The following PRSS23 variants were observed in gnomAD, a reference collection of about 807,000 sequenced individuals.
PRSS23 encodes the protein protease, serine 23.
In PRSS23, 25 loss-of-function variants were observed where a neutral mutation model predicts 34.7. The observed-to-expected ratio is 0.72, with a 90% CI of 0.53 to 1.01. PRSS23 has a LOEUF of 1.01. Among genes scored for constraint, PRSS23 ranks in the 50% least tolerant of loss-of-function variants. The probability of loss-of-function intolerance (pLI) is 0.00; values close to 1 mark genes in which losing one functional copy is unlikely to be tolerated. For missense variants in PRSS23, 445 were observed against 475.6 expected (o/e 0.94, Z 0.60); for synonymous variants, 176 against 186.6 (o/e 0.94, Z 0.46).
At chr11:86,844,829 C>T (rs1376417159) in intron 2 of PRSS23, among the ~76,000 whole-genome samples, 1 of 152,176 alleles carries the variant, frequency 6.6e-6, no homozygotes, top group African/African-American at 2.4e-5. Flanking sequence ...GCGGCTCATG[C>T]CTGTAATCCC....
chr11:86,945,383 T>C (rs1019560691), intron 2 of PRSS23, among the ~76,000 whole-genome samples: 1 of 142,298 alleles, frequency 7.0e-6, no homozygotes, highest in African/African-American at 2.6e-5. Flanking sequence ...AAAAAAGAGG[T>C]GTCATTGGGA....
At chr11:86,942,707 A>G (rs1253365533) in intron 2 of PRSS23, among the ~76,000 whole-genome samples, 2 of 152,118 alleles carry the variant, frequency 1.3e-5, no homozygotes, top group Non-Finnish European at 2.9e-5. Flanking sequence ...CTCTTAGCCT[A>G]AAGATGAAAT....
chr11:86,856,606 G>C (rs11234832), intron 2 of PRSS23, among the ~76,000 whole-genome samples: 54,459 of 151,750 alleles, frequency 0.36, 9,859 homozygotes, highest in East Asian at 0.46. Context: ...GAAACTGCAC[G>C]TTTAAGAAAA....
intron 2 of PRSS23, among the ~76,000 whole-genome samples, chr11:86,849,138 C>A (rs2134915850): frequency 6.6e-6 from 1 of 152,278 alleles, no homozygotes; most frequent in Non-Finnish European, 1.5e-5. Flanking sequence ...CCATTGAGGG[C>A]CAGGAAGTAC....
intron 2 of PRSS23, among the ~76,000 whole-genome samples, chr11:86,898,928 G>C (rs1034733265): frequency 1.3e-5 from 2 of 152,154 alleles, no homozygotes; most frequent in Admixed American, 1.3e-4. Context: ...ACTAGGTAGT[G>C]ATCAGAAACC....
intron 2 of PRSS23, among the ~76,000 whole-genome samples, chr11:86,841,940 G>T (rs952169734): frequency 2.0e-5 from 3 of 152,154 alleles, no homozygotes; most frequent in African/African-American, 7.2e-5. Flanking sequence ...TATAAGACCA[G>T]GATCATCCTG....
intron 2 of PRSS23, among the ~76,000 whole-genome samples, chr11:86,892,659 T>G (rs934228151): frequency 1.3e-5 from 2 of 152,210 alleles, no homozygotes; most frequent in African/African-American, 2.4e-5. Flanking sequence ...ACCCACCTCC[T>G]AAGGCTTTAT....
At chr11:86,826,610 T>G (rs1196559620) in intron 2 of PRSS23, among the ~76,000 whole-genome samples, 1 of 152,264 alleles carries the variant, frequency 6.6e-6, no homozygotes, top group East Asian at 1.9e-4. Context: ...GCCCATTCAG[T>G]ATGATATTGG....
At chr11:86,912,400 C>G (rs1287907208) in intron 2 of PRSS23, among the ~76,000 whole-genome samples, 2 of 38,502 alleles carry the variant, frequency 5.2e-5, no homozygotes, top group African/African-American at 1.7e-4. Context: ...GTCTTTGGGA[C>G]TCCAATTGCA....
chr11:86,825,331 GT>G (rs1229439253), intron 2 of PRSS23, among the ~76,000 whole-genome samples: 2 of 151,852 alleles, frequency 1.3e-5, no homozygotes, highest in Non-Finnish European at 2.9e-5. Flanking sequence ...GGGGTTGTTT[GT>G]TTTTTTCTTG....
At chr11:86,815,106 G>T (rs1948206144), downstream of PRSS23, among the ~76,000 whole-genome samples, 1 of 152,178 alleles carries the variant, frequency 6.6e-6, no homozygotes, top group Non-Finnish European at 1.5e-5. Flanking sequence ...GAGAGTCTCA[G>T]GAAATGAAAT....
At chr11:86,796,709 T>C (rs896676777), upstream of PRSS23, among the ~76,000 whole-genome samples, 23 of 151,808 alleles carry the variant, frequency 1.5e-4, no homozygotes, top group African/African-American at 5.1e-4. Flanking sequence ...GCATATAGTA[T>C]GCATTCACTA....
intron 2 of PRSS23, among the ~76,000 whole-genome samples, chr11:86,870,977 C>A (rs559450802): frequency 2.0e-5 from 3 of 152,310 alleles, no homozygotes; most frequent in Non-Finnish European, 4.4e-5. Context: ...ACATCCATGT[C>A]ATCTCTGGGA....
intron 1 of PRSS23, among the ~76,000 whole-genome samples, chr11:86,822,808 T>TA (rs1948263130): frequency 6.6e-6 from 1 of 152,056 alleles, no homozygotes; most frequent in South Asian, 2.1e-4. Flanking sequence ...TGTAGAGAAT[T>TA]TGAGACCTTG....
chr11:86,949,900 G>A (rs1177774885), intron 2 of PRSS23: 3 of 152,660 alleles, frequency 2.0e-5, no homozygotes, highest in Admixed American at 1.3e-4. Flanking sequence ...GCACCAAGTA[G>A]TTGGATTAGC....
At chr11:86,798,817 CA>C (rs1378692494), upstream of PRSS23, among the ~76,000 whole-genome samples, 1 of 152,140 alleles carries the variant, frequency 6.6e-6, no homozygotes, top group Non-Finnish European at 1.5e-5. Flanking sequence ...CTCAGCCTCC[CA>C]AATAGCTGAG....
At chr11:86,811,421 G>A (rs778957902), downstream of PRSS23, among the ~76,000 whole-genome samples, 6 of 152,162 alleles carry the variant, frequency 3.9e-5, no homozygotes, top group Admixed American at 6.5e-5. Context: ...TCTTCACAGC[G>A]TGAAATTAGA....
chr11:86,854,436 C>T (rs1948554234), intron 2 of PRSS23, among the ~76,000 whole-genome samples: 1 of 152,154 alleles, frequency 6.6e-6, no homozygotes, highest in African/African-American at 2.4e-5. Flanking sequence ...GTATGATTTG[C>T]AAATATTTTT....
chr11:86,918,426 A>C (rs1242135993), intron 2 of PRSS23, among the ~76,000 whole-genome samples: 1 of 152,220 alleles, frequency 6.6e-6, no homozygotes, highest in Admixed American at 6.5e-5. Flanking sequence ...GAAAGAAAGA[A>C]GTCTTCTCCC....
Sources: gnomAD v4.1 joint callset for allele counts (sites outside exome capture counted in the v4.1 genomes callset) on GRCh38, gnomAD v4.1.1 for gene constraint, MANE v1.5 for transcripts, NCBI Gene and HGNC (gene_info 2026-07-23, HGNC 2026-07-21) for gene names.